The following UCHL1 variants were observed in gnomAD, a reference collection of about 807,000 sequenced individuals.
UCHL1 encodes ubiquitin C-terminal hydrolase L1.
A neutral mutation model predicts 33.3 loss-of-function variants in UCHL1; 5 were observed. The ratio of observed to expected loss-of-function variants is 0.15; its 90% CI spans 0.08 to 0.32. The LOEUF (loss-of-function observed/expected upper bound fraction) is 0.32, where lower values mean the gene tolerates loss of function less well. Among genes scored for constraint, UCHL1 ranks in the 10% least tolerant of loss-of-function variants. UCHL1 has a pLI of 1.00. For synonymous variants in UCHL1, 132 were observed against 108.8 expected, an observed-to-expected ratio of 1.21 and a Z score of -1.33; for missense variants, 236 against 280.0, an observed-to-expected ratio of 0.84 and a Z score of 1.12.
At chr4:41,261,352 G>A (rs971342364) in intron 4 of UCHL1, among the ~76,000 whole-genome samples, 3 of 152,084 alleles carry the variant, frequency 2.0e-5, no homozygotes, top group Admixed American at 6.6e-5. Flanking sequence ...AGGCAGCCCC[G>A]GCTTTTATGG....
intron 8 of UCHL1, among the ~76,000 whole-genome samples, chr4:41,267,271 T>C (rs1042107718): frequency 6.6e-6 from 1 of 151,162 alleles, no homozygotes; most frequent in Non-Finnish European, 1.5e-5. Flanking sequence ...TGAGACGGAG[T>C]CTCGCTCTGT....
At position 41,256,963 on chromosome 4, in the gene UCHL1, G is replaced by C; in HGVS notation, c.-14G>C. On this transcript the variant is annotated 5_prime_UTR_variant, in exon 1 of 9. Transcript: ENST00000284440. ...CGTCTTCCCTAGGCTATTTCTGCCG[G>C]GCGCTCCGCGAAGATGCAGCTCAAG... 5 of 1,614,166 alleles carry C rather than the reference G, an allele frequency of 3.1e-6. No individual in the cohort carries two copies. The highest frequency in any genetic ancestry group is 4.2e-6 in the Non-Finnish European group (5 of 1,180,026).
intron 6 of UCHL1, among the ~76,000 whole-genome samples, chr4:41,262,459 A>T (rs1438126657): frequency 6.6e-6 from 1 of 152,174 alleles, no homozygotes; most frequent in African/African-American, 2.4e-5. Flanking sequence ...AATGAGTCTT[A>T]TAGAGTGTAC....
At chr4:41,267,937 T>G (rs900409190) in intron 8 of UCHL1, 50 bp from the exon 9 acceptor site, 2 of 1,546,180 alleles carry the variant, frequency 1.3e-6, no homozygotes, top group African/African-American at 1.4e-5. Context: ...TATGTGACTT[T>G]CATTTTGAGC....
chr4:41,265,827 T>C (rs1008394105), intron 8 of UCHL1, among the ~76,000 whole-genome samples: 4 of 152,086 alleles, frequency 2.6e-5, no homozygotes, highest in Admixed American at 2.6e-4. Flanking sequence ...AATAGTAATA[T>C]GGAATGAAGA....
chr4:41,264,230 T>C lies in UCHL1; in HGVS notation c.585+69T>C, dbSNP rs772628908. On this transcript the variant is annotated intron_variant, in intron 8 of 8. Transcript: ENST00000284440. ...TTTGGCTAAATTTTCTATTCTAAAG[T>C]GCTAACACTCTTCCAGTATAGCCAG... is the stretch of plus-strand genomic sequence containing the variant. The C allele has an allele frequency of 1.8e-5, 28 of 1,590,160 alleles. No individual in the cohort carries two copies. In the East Asian group the frequency reaches 5.6e-4, roughly 32 times the overall value.
chr4:41,257,221 C>T lies in UCHL1; in HGVS notation c.45+95C>T, dbSNP rs368176539. On this transcript the variant is annotated intron_variant, in intron 2 of 8. Transcript: ENST00000284440. ...CCGGCTGCTGGCAGGGACCAAGCCG[C>T]CCGCTGCGAGCACCGGAGACGGCCG... 4,124 of 1,594,672 alleles carry T rather than the reference C, an allele frequency of 2.6e-3. 78 individuals are homozygous for T. In the African/African-American group the frequency reaches 0.046, roughly 18 times the overall value.
intron 2 of UCHL1, 75 bp from the exon 3 acceptor site, chr4:41,257,534 C>T: frequency 7.2e-7 from 1 of 1,398,094 alleles, no homozygotes; most frequent in Non-Finnish European, 9.2e-7. Context: ...CGCGCGCCTC[C>T]TGGCCCCGCC....
At chr4:41,267,617 A>C (rs1339582831) in intron 8 of UCHL1, among the ~76,000 whole-genome samples, 1 of 152,212 alleles carries the variant, frequency 6.6e-6, no homozygotes, top group Non-Finnish European at 1.5e-5. Context: ...CTGAGTTACA[A>C]CTTTTCACTT....
At chr4:41,260,167 G>A (rs78936301) in intron 3 of UCHL1, among the ~76,000 whole-genome samples, 8,216 of 152,302 alleles carry the variant, frequency 0.054, 317 homozygotes, top group Non-Finnish European at 0.087. Flanking sequence ...TTTTTGAAGC[G>A]AAGTGTACTT....
rs1554005212 is a variant in UCHL1, at chr4:41,266,226, C to CGTTTTTTTTTTTTTTT, written c.586-1761_586-1760insGTTTTTTTTTTTTTTT. Among the ~76,000 whole-genome samples, 5 of 136,780 alleles carry CGTTTTTTTTTTTTTTT rather than the reference C, an allele frequency of 3.7e-5. 1 individual carries two copies. The highest frequency in any genetic ancestry group is 7.1e-5 in the Admixed American group (1 of 14,062). The allele number at this position is 136,780 out of a possible 152,430, so 89.7% of individuals were successfully genotyped here. On this transcript the variant is annotated intron_variant, in intron 8 of 8. Transcript: ENST00000284440. ...CGTGAGCCACAGTACCTGGCTAAAA[C>CGTTTTTTTTTTTTTTT]TTTTTTTTTTTTTTTTTTTTTAACT...
chr4:41,257,506 G>C (rs953833361), intron 2 of UCHL1, 103 bp from the exon 3 acceptor site: 14 of 1,346,150 alleles, frequency 1.0e-5, no homozygotes, highest in Non-Finnish European at 8.5e-6. Flanking sequence ...TCCCAGGCTC[G>C]GGTGCGGGCG....
intron 8 of UCHL1, among the ~76,000 whole-genome samples, chr4:41,266,150 G>T (rs1331437138): frequency 6.6e-6 from 1 of 151,798 alleles, no homozygotes; most frequent in Non-Finnish European, 1.5e-5. Flanking sequence ...TTTAACTCTT[G>T]GGCTCAAGTG....
intron 2 of UCHL1, 56 bp downstream of exon 2, chr4:41,257,182 G>A: frequency 1.2e-6 from 2 of 1,610,680 alleles, no homozygotes; most frequent in Non-Finnish European, 1.7e-6. Context: ...CCGAGGCGGG[G>A]GCGCCCACCG....
At chr4:41,267,705 G>T (rs1781176458) in intron 8 of UCHL1, among the ~76,000 whole-genome samples, 1 of 152,086 alleles carries the variant, frequency 6.6e-6, no homozygotes, top group African/African-American at 2.4e-5. Context: ...TGTTTTTGTT[G>T]TTGGGTTTTT....
intron 8 of UCHL1, among the ~76,000 whole-genome samples, chr4:41,265,545 C>T (rs1163051276): frequency 6.6e-6 from 1 of 152,124 alleles, no homozygotes; most frequent in African/African-American, 2.4e-5. Context: ...CACCACTGTA[C>T]TCCAGTCTGG....
At chr4:41,262,873 G>A (rs915703860) in intron 6 of UCHL1, among the ~76,000 whole-genome samples, 3 of 152,146 alleles carry the variant, frequency 2.0e-5, no homozygotes, top group Non-Finnish European at 4.4e-5. Flanking sequence ...CTCCCAAAGT[G>A]CTAGTATTGC....
intron 7 of UCHL1, 120 bp downstream of exon 7, chr4:41,263,411 A>G (rs373569127): frequency 4.0e-6 from 4 of 1,008,764 alleles, no homozygotes; most frequent in Admixed American, 3.7e-5. Context: ...TAAAGCCACA[A>G]TAACAAAGTA....
intron 4 of UCHL1, among the ~76,000 whole-genome samples, chr4:41,261,442 G>A (rs1256270745): frequency 6.6e-6 from 1 of 152,064 alleles, no homozygotes; most frequent in East Asian, 1.9e-4. Context: ...TGAGTGAGGT[G>A]GGAGGGAAAA....
Sources: gnomAD v4.1 joint callset for allele counts (sites outside exome capture counted in the v4.1 genomes callset) on GRCh38, gnomAD v4.1.1 for gene constraint, MANE v1.5 for transcripts, NCBI Gene and HGNC (gene_info 2026-07-23, HGNC 2026-07-21) for gene names.